GUCY1A2: variants seen among roughly 807,000 people sequenced by gnomAD.
GUCY1A2 encodes guanylate cyclase 1 soluble subunit alpha 2.
A neutral mutation model predicts 63.5 loss-of-function variants in GUCY1A2; 27 were observed. That is an observed-to-expected ratio of 0.43 (90% CI 0.31 to 0.59). GUCY1A2 has a LOEUF of 0.59. Among genes scored for constraint, GUCY1A2 ranks in the 20% least tolerant of loss-of-function variants. The probability of loss-of-function intolerance (pLI) is 0.11; values close to 1 mark genes in which losing one functional copy is unlikely to be tolerated. For synonymous variants in GUCY1A2, 364 were observed against 343.5 expected, an observed-to-expected ratio of 1.06 and a Z score of -0.66; for missense variants, 768 against 913.3, an observed-to-expected ratio of 0.84 and a Z score of 2.05.
At chr11:106,700,122 C>A (rs1024603768) in intron 7 of GUCY1A2, among the ~76,000 whole-genome samples, 1 of 152,082 alleles carries the variant, frequency 6.6e-6, no homozygotes, top group African/African-American at 2.4e-5. Context: ...TTGCAAAGTA[C>A]ATAATTATAT....
chr11:106,957,797 A>G lies in GUCY1A2; in HGVS notation c.488-17619T>C, dbSNP rs186591091. Among the ~76,000 whole-genome samples, 165 of 139,510 alleles carry G rather than the reference A, an allele frequency of 1.2e-3. 1 individual carries two copies. The highest frequency in any genetic ancestry group is 4.2e-3 in the African/African-American group (157 of 37,220). The allele number at this position is 139,510 out of a possible 152,430, so 91.5% of individuals were successfully genotyped here. A position where few individuals can be genotyped will look rare whatever the true frequency, so the allele number is the denominator to read the frequency against. On this transcript the variant is annotated intron_variant, in intron 3 of 7. Coordinates refer to ENST00000526355, the MANE Select transcript of GUCY1A2 (RefSeq NM_000855.3). ...ACTAAATTGTGATTCACCCTCCTCAACTGCTCCAACCAAGTGTTGGGAGCT... is the reference window on the plus strand; with the variant it reads ...ACTAAATTGTGATTCACCCTCCTCAGCTGCTCCAACCAAGTGTTGGGAGCT...
chr11:106,706,813 C>T (rs1226450165), intron 7 of GUCY1A2, among the ~76,000 whole-genome samples: 3 of 151,852 alleles, frequency 2.0e-5, no homozygotes, highest in African/African-American at 4.8e-5. Context: ...CTTTTTTCAT[C>T]GTATAGAGCA....
chr11:106,786,265 T>C (rs1345694067), intron 5 of GUCY1A2, among the ~76,000 whole-genome samples: 2 of 152,042 alleles, frequency 1.3e-5, no homozygotes, highest in African/African-American at 4.8e-5. Context: ...TCTTCATTCT[T>C]TCTTTAAAAA....
intron 4 of GUCY1A2, among the ~76,000 whole-genome samples, chr11:106,859,176 A>G (rs138363342): frequency 0.013 from 1,948 of 152,092 alleles, 26 homozygotes; most frequent in South Asian, 0.048. Context: ...ATAATCTTAC[A>G]TCTACAATTC....
rs549313304 is a variant in GUCY1A2 at position 106,707,205 on chromosome 11, C to T, written c.1991+1307G>A. 2.8e-3 allele frequency among the ~76,000 whole-genome samples: 426 copies of T among 152,072 alleles called. 1 individual carries two copies. Among genetic ancestry groups the T allele is most frequent in the Middle Eastern group, 0.014 (4 of 294 alleles). On this transcript the variant is annotated intron_variant, in intron 7 of 7. Coordinates refer to ENST00000526355, the MANE Select transcript of GUCY1A2 (RefSeq NM_000855.3). ...TCTCTTAATTTTATATTTGTAATTT[C>T]AGTTTTCTTTCTCATCTATTTTGCA...
At chr11:106,732,589 T>C (rs1435147325) in intron 6 of GUCY1A2, among the ~76,000 whole-genome samples, 2 of 152,144 alleles carry the variant, frequency 1.3e-5, no homozygotes, top group Non-Finnish European at 1.5e-5. Context: ...GTAATGATGA[T>C]GATGAAGCAT....
Position 106,986,116 on chromosome 11 carries a change from G to T in GUCY1A2, c.319C>A (p.Gln107Lys). Reference protein sequence around the residue: ...LTAPSPQTIQQTLKRTLQYYE... With the variant: ...LTAPSPQTIQKTLKRTLQYYE... Reference sequence around the variant, plus strand: ...TACTGCAGTGTCCTCTTGAGAGTCTGCTGTATCGTCTGAGGCTACAGAATA... The same window carrying T: ...TACTGCAGTGTCCTCTTGAGAGTCTTCTGTATCGTCTGAGGCTACAGAATA... Residue 107 changes from glutamine to lysine, a missense_variant, in exon 2 of 8, where the codon CAG (glutamine) becomes AAG (lysine). Physicochemically the swap from Gln to Lys is moderately conservative, Grantham distance 53. Transcript: ENST00000526355. The T allele has an allele frequency of 6.7e-7, 1 of 1,481,810 alleles. No homozygotes were observed. The highest frequency in any genetic ancestry group is 9.4e-7 in the Non-Finnish European group (1 of 1,059,700). The allele number at this position is 1,481,810 out of a possible 1,614,324, so 91.8% of individuals were successfully genotyped here. A position where few individuals can be genotyped will look rare whatever the true frequency, so the allele number is the denominator to read the frequency against.
At chr11:106,962,470 G>A (rs1338902257) in intron 3 of GUCY1A2, among the ~76,000 whole-genome samples, 1 of 150,700 alleles carries the variant, frequency 6.6e-6, no homozygotes, top group South Asian at 2.1e-4. Context: ...CAGGAGAATC[G>A]CTTAAACCCG....
At chr11:106,763,778 A>C (rs60812258) in intron 6 of GUCY1A2, among the ~76,000 whole-genome samples, 5,382 of 152,234 alleles carry the variant, frequency 0.035, 338 homozygotes, top group African/African-American at 0.12. Flanking sequence ...AGAGAAATTC[A>C]GTAAAGGCTT....
chr11:106,738,482 A>T (rs1482519316), intron 6 of GUCY1A2, among the ~76,000 whole-genome samples: 3 of 152,092 alleles, frequency 2.0e-5, no homozygotes, highest in African/African-American at 7.2e-5. Flanking sequence ...TATGTCCTGA[A>T]GGGTATTGCC....
intron 6 of GUCY1A2, among the ~76,000 whole-genome samples, chr11:106,730,449 T>C (rs1279671675): frequency 6.6e-6 from 1 of 152,054 alleles, no homozygotes; most frequent in African/African-American, 2.4e-5. Flanking sequence ...CAAGCTCTCA[T>C]TCTTTTTTTA....
At chr11:106,806,814 A>T (rs2135422296) in intron 5 of GUCY1A2, among the ~76,000 whole-genome samples, 1 of 152,190 alleles carries the variant, frequency 6.6e-6, no homozygotes, top group Admixed American at 6.5e-5. Context: ...TTCTTCCTCA[A>T]CCCTCTAGTT....
intron 3 of GUCY1A2, among the ~76,000 whole-genome samples, chr11:106,953,260 T>C (rs902630381): frequency 6.6e-6 from 1 of 152,176 alleles, no homozygotes; most frequent in Non-Finnish European, 1.5e-5. Context: ...CAAAGGCCTT[T>C]TCTGAATCTG....
At chr11:106,695,010 C>T (rs1400683100) in intron 7 of GUCY1A2, among the ~76,000 whole-genome samples, 1 of 152,070 alleles carries the variant, frequency 6.6e-6, no homozygotes, top group African/African-American at 2.4e-5. Context: ...TGTGTGCATG[C>T]ATGTGTGCAT....
intron 6 of GUCY1A2, among the ~76,000 whole-genome samples, chr11:106,758,255 C>T (rs1380366522): frequency 6.6e-6 from 1 of 152,238 alleles, no homozygotes; most frequent in Non-Finnish European, 1.5e-5. Context: ...AATTTCAAGT[C>T]CATGGATCTT....
chr11:106,764,970 TG>T lies in GUCY1A2; in HGVS notation c.1836+11468del, dbSNP rs34675895. Among the ~76,000 whole-genome samples, 309 of 92,426 alleles carry T rather than the reference TG, an allele frequency of 3.3e-3. 5 individuals carry two copies. In the South Asian group the frequency reaches 0.047, roughly 14 times the overall value. 60.6% of individuals were successfully genotyped at this position (92,426 alleles called of 152,430 possible). A position where few individuals can be genotyped will look rare whatever the true frequency, so the allele number is the denominator to read the frequency against. ...ACGAAACTTACTTTGCAGATTTTTT[TG>T]GGGGGGGGTTGGGGGGCAGGAATAA... On this transcript the variant is annotated intron_variant, in intron 6 of 7. Transcript: ENST00000526355.
intron 1 of GUCY1A2, among the ~76,000 whole-genome samples, chr11:107,004,005 C>T (rs1177279730): frequency 6.6e-6 from 1 of 152,168 alleles, no homozygotes; most frequent in Non-Finnish European, 1.5e-5. Context: ...GAAGGCCTAG[C>T]TTTCTTATCA....
chr11:106,901,718 T>A (rs777734639), intron 4 of GUCY1A2, among the ~76,000 whole-genome samples: 5 of 147,346 alleles, frequency 3.4e-5, no homozygotes, highest in Non-Finnish European at 6.0e-5. Flanking sequence ...TTCCCACGTA[T>A]GAGTGAGAAC....
intron 4 of GUCY1A2, among the ~76,000 whole-genome samples, chr11:106,819,910 C>A (rs1858878966): frequency 6.6e-6 from 1 of 152,056 alleles, no homozygotes; most frequent in African/African-American, 2.4e-5. Flanking sequence ...TACTGCATGG[C>A]CTCACCTATA....
Sources: gnomAD v4.1 joint callset for allele counts (sites outside exome capture counted in the v4.1 genomes callset) on GRCh38, gnomAD v4.1.1 for gene constraint, MANE v1.5 for transcripts, NCBI Gene and HGNC (gene_info 2026-07-23, HGNC 2026-07-21) for gene names.